Variants in MYO5B observed in about 807,000 individuals in gnomAD.
The protein encoded by MYO5B is myosin VB, also known as unconventional myosin-Vb.
In MYO5B, 143 loss-of-function variants were observed where a neutral mutation model predicts 229.3. The ratio of observed to expected loss-of-function variants is 0.62; its 90% confidence interval spans 0.54 to 0.72. The LOEUF (loss-of-function observed/expected upper bound fraction) is 0.72, where lower values mean the gene tolerates loss of function less well. MYO5B is among the 30% of genes least tolerant of loss of function. The probability of loss-of-function intolerance (pLI) is 0.00; values close to 1 mark genes in which losing one functional copy is unlikely to be tolerated. For missense variants in MYO5B, 2,321 were observed against 2,331.0 expected, an observed-to-expected ratio of 1.00 and a Z score of 0.09; for synonymous variants, 918 against 885.2, an observed-to-expected ratio of 1.04 and a Z score of -0.66.
At chr18:49,969,110 C>T (rs1285226396) in intron 10 of MYO5B, among the ~76,000 whole-genome samples, 1 of 152,196 alleles carries the variant, frequency 6.6e-6, no homozygotes, top group East Asian at 1.9e-4. Context: ...GCTAGCCATG[C>T]ATGTCCTCCC....
At chr18:50,010,759 G>T (rs548723679) in intron 4 of MYO5B, among the ~76,000 whole-genome samples, 8 of 152,314 alleles carry the variant, frequency 5.3e-5, no homozygotes, top group African/African-American at 1.7e-4. Context: ...CATATAGAAT[G>T]TGTAGCCTGT....
At chr18:49,848,821 G>A (rs2024163658) in intron 32 of MYO5B, among the ~76,000 whole-genome samples, 2 of 152,080 alleles carry the variant, frequency 1.3e-5, no homozygotes, top group African/African-American at 4.8e-5. Flanking sequence ...TGTCCCCCTG[G>A]ATAGAGATCA....
rs61737446 is a variant in MYO5B, at chr18:49,894,995, C to T, written c.2991G>A (p.Ser997=). The change falls in exon 22 of 40, where the codon TCG becomes TCA. Residue 997 remains serine, a synonymous_variant. Coordinates refer to ENST00000285039, the MANE Select transcript of MYO5B (RefSeq NM_001080467.3). ...GGGCGTCCTCCAAGATCTTGCGCTC[C>T]GAGTGGGCCCTCTGCAGCTCTGTGC... ...SLRTELQRAH[S]ERKILEDAHS... 470 of 1,613,834 alleles carry T rather than the reference C, an allele frequency of 2.9e-4. 1 individual carries two copies. The African/African-American group carries it at 5.3e-3, about 18-fold the overall frequency.
In MYO5B at chr18:49,984,758, A is replaced by G. The variant is rs2025853175; in HGVS notation, c.906T>C (p.Ala302=). 1 of 1,613,996 alleles carries G rather than the reference A, an allele frequency of 6.2e-7. No individual in the cohort carries two copies. Among genetic ancestry groups the G allele is most frequent in the African/African-American group, 1.3e-5 (1 of 75,034 alleles). Residue 302 remains alanine (A), a synonymous_variant, in exon 8 of 40, where the codon GCT becomes GCC. Transcript: ENST00000285039. The part of the protein sequence containing the change: ...GDTSIEGVDD[A]EDFEKTRQAF... ...CTTGTCGAGTCTTCTCAAAGTCCTC[A>G]GCATCGTCCACACCCTCGATGGAAG...
chr18:49,924,653 G>C (rs770974328), intron 17 of MYO5B, among the ~76,000 whole-genome samples: 1 of 152,186 alleles, frequency 6.6e-6, no homozygotes, highest in African/African-American at 2.4e-5. Flanking sequence ...ATAAACCTTT[G>C]CTGGGATGGT....
intron 1 of MYO5B, among the ~76,000 whole-genome samples, chr18:50,111,513 A>G (rs1056097850): frequency 6.6e-6 from 1 of 152,178 alleles, no homozygotes; most frequent in African/African-American, 2.4e-5. Context: ...TCTCTCATTC[A>G]AATACATGTT....
intron 1 of MYO5B, among the ~76,000 whole-genome samples, chr18:50,056,822 G>A (rs945804218): frequency 1.3e-5 from 2 of 151,148 alleles, no homozygotes; most frequent in African/African-American, 4.9e-5. Flanking sequence ...ATGGAACAGT[G>A]AAAGTTGTAA....
chr18:49,950,895 G>T (rs1300369789), intron 14 of MYO5B, among the ~76,000 whole-genome samples: 2 of 152,162 alleles, frequency 1.3e-5, no homozygotes, highest in African/African-American at 4.8e-5. Context: ...GGTGTCAGGG[G>T]AACTTGGATT....
At chr18:49,970,862 C>T (rs1188594914) in intron 10 of MYO5B, 2 of 152,206 alleles carry the variant, frequency 1.3e-5, no homozygotes, top group Non-Finnish European at 2.9e-5. Flanking sequence ...GGCAATGTCT[C>T]GTTCTTTTCC....
intron 1 of MYO5B, among the ~76,000 whole-genome samples, chr18:50,157,792 G>A (rs1191517460): frequency 6.6e-6 from 1 of 152,174 alleles, no homozygotes; most frequent in Non-Finnish European, 1.5e-5. Context: ...TCTCCTGTTA[G>A]ATCATAAGAT....
At chr18:50,173,540 T>C (rs925420287) in intron 1 of MYO5B, among the ~76,000 whole-genome samples, 7 of 152,168 alleles carry the variant, frequency 4.6e-5, no homozygotes, top group South Asian at 4.2e-4. Context: ...AGGGAGTCAG[T>C]TGGAAAACAG....
intron 1 of MYO5B, among the ~76,000 whole-genome samples, chr18:50,160,510 TAAGGACTTCAGAA>T (rs1015640982): frequency 2.0e-5 from 3 of 152,102 alleles, no homozygotes; most frequent in Non-Finnish European, 4.4e-5. Context: ...CCCCCCAAAG[TAAGGACTTCAGAA>T]AAGGACAGTC....
chr18:50,018,472 A>G (rs912958300), intron 4 of MYO5B, among the ~76,000 whole-genome samples: 3 of 152,210 alleles, frequency 2.0e-5, no homozygotes, highest in African/African-American at 7.2e-5. Flanking sequence ...TTAAAATGTC[A>G]ACATGAGGAC....
Position 50,194,827 on chromosome 18 carries a change from C to T in MYO5B, c.-34G>A, listed in dbSNP as rs1401006543. The stretch of plus-strand genomic sequence containing the variant: ...CCGGGCGGGGCTCGGGCCCCGGCTC[C>T]TGGCTGCCCCGCGGCTCTCAGTCCG... On this transcript the variant is annotated 5_prime_UTR_variant, in exon 1 of 40. Coordinates refer to ENST00000285039, the MANE Select transcript of MYO5B (RefSeq NM_001080467.3). 10 of 1,300,620 alleles carry T rather than the reference C, an allele frequency of 7.7e-6. No homozygotes were observed. Among genetic ancestry groups the T allele is most frequent in the Non-Finnish European group, 9.7e-6 (10 of 1,029,738 alleles). The allele number at this position is 1,300,620 out of a possible 1,614,324, so 80.6% of individuals were successfully genotyped here.
At chr18:50,024,796 C>T (rs1266624930) in intron 4 of MYO5B, among the ~76,000 whole-genome samples, 2 of 152,120 alleles carry the variant, frequency 1.3e-5, no homozygotes, top group African/African-American at 4.8e-5. Context: ...CCTGACTTCC[C>T]GAGTATCTGC....
chr18:49,967,049 G>C (rs929310204), intron 10 of MYO5B, among the ~76,000 whole-genome samples: 6 of 152,186 alleles, frequency 3.9e-5, no homozygotes, highest in Admixed American at 1.3e-4. Flanking sequence ...AAAGAGAACT[G>C]AATTTCTCTT....
intron 1 of MYO5B, among the ~76,000 whole-genome samples, chr18:50,178,668 G>A (rs896480982): frequency 2.6e-5 from 4 of 152,180 alleles, no homozygotes; most frequent in African/African-American, 9.7e-5. Flanking sequence ...CCAGGGCTTC[G>A]GGTATTATTT....
rs1424661344 is a variant in MYO5B, at chr18:49,835,361, A to G, written c.5377T>C (p.Phe1793Leu). The G allele has an allele frequency of 6.2e-7, 1 of 1,610,330 alleles. No individual in the cohort carries two copies. Among genetic ancestry groups the G allele is most frequent in the Admixed American group, 1.7e-5 (1 of 60,014 alleles). Residue 1793 changes from phenylalanine (F) to leucine (L), a missense_variant, in exon 39 of 40, where the codon TTT (phenylalanine) becomes CTT (leucine). By Grantham distance (22) the Phe-to-Leu change is conservative. Coordinates refer to ENST00000285039, the MANE Select transcript of MYO5B (RefSeq NM_001080467.3). ...NEFEERVTVA[F>L]IRTIQAQLQE... ...AAACTCACCTGGATTGTTCGTATAA[A>G]GGCCACTGTTACCCGTTCTTCAAAT...
intron 4 of MYO5B, among the ~76,000 whole-genome samples, chr18:50,021,761 C>T (rs984387343): frequency 1.3e-5 from 2 of 150,668 alleles, no homozygotes; most frequent in Non-Finnish European, 3.0e-5. Context: ...TTCAAATTGC[C>T]CTAAGGAGGA....
Sources: gnomAD v4.1 joint callset for allele counts (sites outside exome capture counted in the v4.1 genomes callset) on GRCh38, gnomAD v4.1.1 for gene constraint, MANE v1.5 for transcripts, NCBI Gene and HGNC (gene_info 2026-07-23, HGNC 2026-07-21) for gene names.